The following MCM9 variants were observed in gnomAD, a reference collection of about 807,000 sequenced individuals.
MCM9 encodes the protein DNA helicase MCM9.
In MCM9, 55 loss-of-function variants were observed where a neutral mutation model predicts 72.8. That is an observed-to-expected ratio of 0.76 (90% confidence interval 0.61 to 0.95). MCM9 has a LOEUF of 0.95. Ranked by LOEUF, MCM9 falls within the 40% of genes least tolerant of loss-of-function variation. The probability of loss-of-function intolerance (pLI) is 0.00; values close to 1 mark genes in which losing one functional copy is unlikely to be tolerated. For missense variants in MCM9, 1,279 were observed against 1,377.0 expected, an observed-to-expected ratio of 0.93 and a Z score of 1.13; for synonymous variants, 480 against 503.4, an observed-to-expected ratio of 0.95 and a Z score of 0.62.
At chr6:118,894,409 A>G in intron 8 of MCM9, 1 of 1,536,772 alleles carries the variant, frequency 6.5e-7, no homozygotes, top group Non-Finnish European at 8.7e-7. Flanking sequence ...TGTTTTTTTC[A>G]AAATATGGCA....
chr6:118,902,969 G>T (rs1044948198), intron 8 of MCM9, among the ~76,000 whole-genome samples: 1 of 152,204 alleles, frequency 6.6e-6, no homozygotes, highest in Non-Finnish European at 1.5e-5. Flanking sequence ...GCCAGCTAGA[G>T]TCAAAACAAA....
At chr6:118,824,376 T>G (rs937419300) in intron 13 of MCM9, among the ~76,000 whole-genome samples, 1 of 149,882 alleles carries the variant, frequency 6.7e-6, no homozygotes, top group Non-Finnish European at 1.5e-5. Flanking sequence ...TCACTCAATC[T>G]TGGCTCACTG....
chr6:118,923,285 A>ATT lies in MCM9; in HGVS notation c.621+524_621+525dup, dbSNP rs551029225. Among the ~76,000 whole-genome samples the ATT allele has an allele frequency of 1.8e-3, 267 of 144,990 alleles. 3 individuals are homozygous for ATT. In the East Asian group the frequency reaches 0.032, roughly 17 times the overall value. On this transcript the variant is annotated intron_variant, in intron 4 of 13. Coordinates refer to ENST00000619706, the MANE Select transcript of MCM9 (RefSeq NM_017696.3). ...TCCATATCTTGTTCACTCCAATGTG[A>ATT]TTTTTTTTTTTTTTCAGAGACAGGG...
intron 8 of MCM9, among the ~76,000 whole-genome samples, chr6:118,902,701 C>T (rs906331142): frequency 2.0e-5 from 3 of 152,098 alleles, no homozygotes; most frequent in Non-Finnish European, 4.4e-5. Context: ...GTGATCTTCA[C>T]GTAGTTTTAC....
chr6:118,904,657 T>C (rs774209922), intron 8 of MCM9, among the ~76,000 whole-genome samples: 9 of 152,260 alleles, frequency 5.9e-5, no homozygotes, highest in Non-Finnish European at 1.3e-4. Context: ...TTACAATAGC[T>C]TGATTTAAAA....
intron 9 of MCM9, among the ~76,000 whole-genome samples, chr6:118,833,469 A>G (rs892886274): frequency 2.6e-5 from 4 of 152,162 alleles, no homozygotes; most frequent in Non-Finnish European, 5.9e-5. Context: ...TAAGTAATGA[A>G]GCCCACACCC....
Position 118,828,072 on chromosome 6 carries a change from G to A in MCM9, c.1587C>T (p.Cys529=). ...GTGTGGGCTGCAGATTCCTTATGAG[G>A]CAGAAATAGGTTTTCATCTTTTCCA... ...WSMEKMKTYF[C]LIRNLQPTLS... The change falls in exon 11 of 14, where the codon TGC becomes TGT. Residue 529 remains cysteine (C), a synonymous_variant. Transcript: ENST00000619706. The A allele has an allele frequency of 6.4e-7, 1 of 1,550,628 alleles. No homozygotes were observed. Among genetic ancestry groups the A allele is most frequent in the Non-Finnish European group, 8.7e-7 (1 of 1,147,008 alleles).
chr6:118,846,751 T>A (rs186156627), intron 9 of MCM9, among the ~76,000 whole-genome samples: 3 of 151,774 alleles, frequency 2.0e-5, no homozygotes, highest in Non-Finnish European at 4.4e-5. Flanking sequence ...TTAAGTAAAA[T>A]GCACTTAACT....
chr6:118,841,013 G>A (rs1434639672), intron 9 of MCM9, among the ~76,000 whole-genome samples: 2 of 152,180 alleles, frequency 1.3e-5, no homozygotes, highest in African/African-American at 2.4e-5. Flanking sequence ...CTCCCAAAAC[G>A]CTGGGATTAC....
chr6:118,859,767 C>A (rs1056475773), intron 8 of MCM9, among the ~76,000 whole-genome samples: 64 of 152,146 alleles, frequency 4.2e-4, no homozygotes, highest in Non-Finnish European at 4.4e-5. Context: ...TTTAGAAATA[C>A]GCCAGAACTT....
chr6:118,913,278 T>C lies in MCM9; in HGVS notation c.1030+17A>G, dbSNP rs748208711. The C allele has an allele frequency of 6.2e-6, 10 of 1,611,992 alleles. No homozygotes were observed. Among genetic ancestry groups the C allele is most frequent in the Non-Finnish European group, 8.5e-6 (10 of 1,179,402 alleles). Reference sequence around the variant, plus strand: ...CCATGTGTCAATATTACTCAAAATTTCTAAATAGGTACTAACCTCTGACCC... The same window carrying C: ...CCATGTGTCAATATTACTCAAAATTCCTAAATAGGTACTAACCTCTGACCC... On this transcript the variant is annotated intron_variant, in intron 7 of 13. Coordinates refer to ENST00000619706, the MANE Select transcript of MCM9 (RefSeq NM_017696.3).
chr6:118,910,768 A>T (rs1019242690), intron 8 of MCM9: 10 of 985,320 alleles, frequency 1.0e-5, no homozygotes, highest in Non-Finnish European at 1.2e-5. Context: ...TCAATGGTTA[A>T]TATACTGTTG....
chr6:118,861,745 C>T (rs1407018065), intron 8 of MCM9, among the ~76,000 whole-genome samples: 1 of 152,136 alleles, frequency 6.6e-6, no homozygotes, highest in Admixed American at 6.5e-5. Context: ...ACGGGTGGAC[C>T]TGGAAAAAGC....
rs1773385481 is a variant in MCM9, at chr6:118,815,948, C to T, written c.2308G>A (p.Glu770Lys). The T allele has an allele frequency of 1.3e-6, 2 of 1,550,178 alleles. No homozygotes were observed. The highest frequency in any genetic ancestry group is 1.7e-6 in the Non-Finnish European group (2 of 1,146,988). Residue 770 changes from glutamate (E) to lysine (K), a missense_variant, in exon 14 of 14, where the codon GAA (glutamate) becomes AAA (lysine). Transcript: ENST00000619706. ...TTAGAGATCTTCGAAGCCATATTTTCTCCAGATGTTTTGGGATGAGGAGAC... is the reference window on the plus strand; with the variant it reads ...TTAGAGATCTTCGAAGCCATATTTTTTCCAGATGTTTTGGGATGAGGAGAC... ...VVSPHPKTSG[E>K]NMASKISNST...
intron 8 of MCM9, among the ~76,000 whole-genome samples, chr6:118,861,411 T>A (rs1258354497): frequency 6.6e-6 from 1 of 152,218 alleles, no homozygotes; most frequent in East Asian, 1.9e-4. Context: ...CAGCCCTGTT[T>A]GTGTTACAGC....
At chr6:118,922,730 C>T (rs1353991837) in intron 4 of MCM9, among the ~76,000 whole-genome samples, 1 of 152,054 alleles carries the variant, frequency 6.6e-6, no homozygotes, top group Non-Finnish European at 1.5e-5. Flanking sequence ...GAAGAGAAGC[C>T]ATGTATTAAG....
chr6:118,888,380 G>A (rs945061601), intron 8 of MCM9, among the ~76,000 whole-genome samples: 4 of 152,044 alleles, frequency 2.6e-5, no homozygotes, highest in Non-Finnish European at 4.4e-5. Flanking sequence ...CCAGCTACTC[G>A]GGAGGCTAAG....
chr6:118,892,256 T>C (rs1485518836), intron 8 of MCM9, among the ~76,000 whole-genome samples: 2 of 152,182 alleles, frequency 1.3e-5, no homozygotes, highest in African/African-American at 2.4e-5. Context: ...CAGTGAAATG[T>C]TGGGGAGTTT....
intron 9 of MCM9, among the ~76,000 whole-genome samples, chr6:118,843,266 C>T (rs1775517985): frequency 6.6e-6 from 1 of 151,770 alleles, no homozygotes; most frequent in African/African-American, 2.4e-5. Flanking sequence ...TTAAATGAGA[C>T]ACTTAAGTGT....
Sources: allele counts gnomAD v4.1 joint callset (sites outside exome capture counted in the v4.1 genomes callset), GRCh38; gene constraint gnomAD v4.1.1; transcripts MANE v1.5; gene names NCBI Gene and HGNC (gene_info 2026-07-23, HGNC 2026-07-21).